Variants in DUSP16 observed in about 807,000 individuals in gnomAD.
DUSP16 encodes dual specificity phosphatase 16.
DUSP16 carries 21 observed loss-of-function variants against 58.3 expected under a neutral mutation model. That is an observed-to-expected ratio of 0.36 (90% CI 0.26 to 0.52). The LOEUF is 0.52. DUSP16 is among the 20% of genes least tolerant of loss of function. The probability of loss-of-function intolerance (pLI) is 0.94; values close to 1 mark genes in which losing one functional copy is unlikely to be tolerated. For missense variants in DUSP16, 726 were observed against 819.0 expected (o/e 0.89, Z 1.39); for synonymous variants, 320 against 323.8 (o/e 0.99, Z 0.12).
rs545796942 is a variant in DUSP16 at position 12,513,972 on chromosome 12, G to T, written c.367+5890C>A. On this transcript the variant is annotated intron_variant, in intron 3 of 6. Transcript: ENST00000298573. ...TTTTCAGAGAACTAGTTTTCTGCAG[G>T]TTGTTGAAAACACCAAAAAAGTTGC... Among the ~76,000 whole-genome samples, 5 of 152,214 alleles carry T rather than the reference G, an allele frequency of 3.3e-5. No individual in the cohort carries two copies. The East Asian group carries it at 9.6e-4, about 29-fold the overall frequency.
intron 1 of DUSP16, among the ~76,000 whole-genome samples, chr12:12,547,522 G>T (rs1944662025): frequency 7.9e-6 from 1 of 126,316 alleles, no homozygotes; most frequent in Non-Finnish European, 1.6e-5. Flanking sequence ...TTATGACTGT[G>T]AGTAGGCTTA....
rs1164337580 is a variant in DUSP16 at position 12,474,805 on chromosome 12, G to C, written c.*2028C>G. ...ATGTTTTGGGCATGACCACACTCTG[G>C]AAGTGGTGAACTGTTACACATTTGG... is the stretch of plus-strand genomic sequence containing the variant. On this transcript the variant is annotated 3_prime_UTR_variant, in exon 7 of 7. Coordinates refer to ENST00000298573, the MANE Select transcript of DUSP16 (RefSeq NM_030640.3). 2 of 152,200 alleles carry C rather than the reference G, an allele frequency of 1.3e-5. No homozygotes were observed. The highest frequency in any genetic ancestry group is 2.9e-5 in the Non-Finnish European group (2 of 68,034). 9.4% of individuals were successfully genotyped at this position (152,200 alleles called of 1,614,324 possible). A position where few individuals can be genotyped will look rare whatever the true frequency, so the allele number is the denominator to read the frequency against.
rs566499175 is a variant in DUSP16 at position 12,477,173 on chromosome 12, A to G, written c.1658T>C (p.Leu553Pro). 6.2e-7 allele frequency: 1 copy of G among 1,614,214 alleles called. No homozygotes were observed. Among genetic ancestry groups the G allele is most frequent in the Non-Finnish European group, 8.5e-7 (1 of 1,180,030 alleles). The change falls in exon 7 of 7, where the codon CTG becomes CCG. Residue 553 changes from leucine (L) to proline (P), a missense_variant. Physicochemically the swap from Leu to Pro is moderately conservative, Grantham distance 98 (BLOSUM62 -3). Coordinates refer to ENST00000298573, the MANE Select transcript of DUSP16 (RefSeq NM_030640.3). The surrounding 1 kb of genome is among the most constrained non-coding windows in gnomAD (Gnocchi z 4.1). ...ILAPQTSTPSLTSSWYFATES... is the reference protein window; with the variant it reads ...ILAPQTSTPSPTSSWYFATES... ...TGTGGCAAAATACCAGCTGCTGGTC[A>G]GGGAAGGGGTAGAGGTCTGGGGGGC...
In DUSP16 at chr12:12,537,257, A is replaced by G. The variant is rs1289419477; in HGVS notation, c.-365-15794T>C. Among the ~76,000 whole-genome samples the G allele has an allele frequency of 2.0e-5, 3 of 152,246 alleles. No homozygotes were observed. In the East Asian group the frequency reaches 5.8e-4, roughly 29 times the overall value. ...ATGTGGAAGTCAAAGTGAAACCTAA[A>G]TGAATTTTAATACACTATCATGACA... On this transcript the variant is annotated intron_variant, in intron 1 of 6. Coordinates refer to ENST00000298573, the MANE Select transcript of DUSP16 (RefSeq NM_030640.3).
At position 12,473,486 on chromosome 12, in the gene DUSP16, A is replaced by G. The variant is rs114964129; in HGVS notation, c.*3347T>C. On this transcript the variant is annotated 3_prime_UTR_variant, in exon 7 of 7. Transcript: ENST00000298573. ...ACCCTCTATCTCTGGAGGCTGATTT[A>G]TTCTAATTCCCTTTATTCCTCTATC... 4.9e-3 allele frequency among the ~76,000 whole-genome samples: 743 copies of G among 152,218 alleles called. 7 individuals are homozygous for G. Among genetic ancestry groups the G allele is most frequent in the African/African-American group, 0.016 (675 of 41,530 alleles).
In DUSP16 at chr12:12,474,476, G is replaced by A. The variant is rs736107; in HGVS notation, c.*2357C>T. On this transcript the variant is annotated 3_prime_UTR_variant, in exon 7 of 7. Transcript: ENST00000298573. Reference sequence around the variant, plus strand: ...ACCATCTGTATCACCCCTAGTAGACGCGAGGGTTTCCCCAATTACATGCTG... The same window carrying A: ...ACCATCTGTATCACCCCTAGTAGACACGAGGGTTTCCCCAATTACATGCTG... 0.28 allele frequency: 42,862 copies of A among 151,950 alleles called. 6,639 individuals are homozygous for A. The highest frequency in any genetic ancestry group is 0.34 in the Non-Finnish European group (23,040 of 67,918). 9.4% of individuals were successfully genotyped at this position (151,950 alleles called of 1,614,324 possible). A position where few individuals can be genotyped will look rare whatever the true frequency, so the allele number is the denominator to read the frequency against.
chr12:12,484,578 CTG>C (rs1184963096), intron 5 of DUSP16, among the ~76,000 whole-genome samples: 1 of 152,118 alleles, frequency 6.6e-6, no homozygotes, highest in Non-Finnish European at 1.5e-5. Context: ...GCCAATGTCT[CTG>C]GAAGTGACGT....
intron 4 of DUSP16, among the ~76,000 whole-genome samples, chr12:12,496,598 G>A (rs1185838239): frequency 6.6e-6 from 1 of 152,316 alleles, no homozygotes; most frequent in Admixed American, 6.5e-5. Flanking sequence ...CTCCCAATAG[G>A]TAAGTCAGTC....
Position 12,562,334 on chromosome 12 carries a change from G to A in DUSP16, c.-583C>T, listed in dbSNP as rs1944919059. ...TCTGAGGGGTGGGTTGGGGCGGGAG[G>A]CTTAGGAAGAGAGGAGACGCTCGCA... On this transcript the variant is annotated 5_prime_UTR_variant, in exon 1 of 7. Transcript: ENST00000298573. 6.6e-6 allele frequency: 1 copy of A among 151,896 alleles called. No homozygotes were observed. Among genetic ancestry groups the A allele is most frequent in the South Asian group, 2.1e-4 (1 of 4,818 alleles). 9.4% of individuals were successfully genotyped at this position (151,896 alleles called of 1,614,324 possible).
At chr12:12,498,771 C>T (rs906932663) in intron 4 of DUSP16, among the ~76,000 whole-genome samples, 1 of 152,170 alleles carries the variant, frequency 6.6e-6, no homozygotes. Context: ...TTATTTCTCA[C>T]CATCCTTGCA....
chr12:12,562,519 T>C lies in DUSP16; in HGVS notation c.-768A>G, dbSNP rs1275481091. 1 of 110,740 alleles carries C rather than the reference T, an allele frequency of 9.0e-6. No individual in the cohort carries two copies. Among genetic ancestry groups the C allele is most frequent in the African/African-American group, 3.5e-5 (1 of 28,436 alleles). 6.9% of individuals were successfully genotyped at this position (110,740 alleles called of 1,614,324 possible). A position where few individuals can be genotyped will look rare whatever the true frequency, so the allele number is the denominator to read the frequency against. ...TGGTAATAATCGTTTAAAAACTGAT[T>C]AAAGCCCCCCAAACACTGATACATA... On this transcript the variant is annotated 5_prime_UTR_variant, in exon 1 of 7. Coordinates refer to ENST00000298573, the MANE Select transcript of DUSP16 (RefSeq NM_030640.3).
In DUSP16 at chr12:12,562,526, C is replaced by G. The variant is rs2136280380; in HGVS notation, c.-775G>C. On this transcript the variant is annotated 5_prime_UTR_variant, in exon 1 of 7. Transcript: ENST00000298573. The stretch of plus-strand genomic sequence containing the variant: ...AATCGTTTAAAAACTGATTAAAGCC[C>G]CCCAAACACTGATACATAGAAAGAG... 1 of 134,744 alleles carries G rather than the reference C, an allele frequency of 7.4e-6. No homozygotes were observed. The highest frequency in any genetic ancestry group is 2.2e-4 in the East Asian group (1 of 4,620). The allele number at this position is 134,744 out of a possible 1,614,324, so 8.3% of individuals were successfully genotyped here. A position where few individuals can be genotyped will look rare whatever the true frequency, so the allele number is the denominator to read the frequency against.
At chr12:12,526,797 C>T (rs184872801) in intron 1 of DUSP16, among the ~76,000 whole-genome samples, 39 of 152,196 alleles carry the variant, frequency 2.6e-4, no homozygotes, top group African/African-American at 9.4e-4. Flanking sequence ...AAGTGATAAT[C>T]GCTCACACAC....
At chr12:12,479,088 A>C (rs1330106090) in intron 6 of DUSP16, among the ~76,000 whole-genome samples, 1 of 152,130 alleles carries the variant, frequency 6.6e-6, no homozygotes, top group Non-Finnish European at 1.5e-5. Context: ...CATTTTTGTA[A>C]CCACTATGTT....
intron 1 of DUSP16, among the ~76,000 whole-genome samples, chr12:12,544,500 C>T (rs532707278): frequency 7.9e-5 from 12 of 152,248 alleles, no homozygotes; most frequent in African/African-American, 2.6e-4. Flanking sequence ...CTAGGTTAAA[C>T]GCATAAGTAT....
At chr12:12,513,645 A>G (rs1020202334) in intron 3 of DUSP16, among the ~76,000 whole-genome samples, 2 of 152,338 alleles carry the variant, frequency 1.3e-5, no homozygotes, top group South Asian at 2.1e-4. Context: ...GCTGCATCAC[A>G]GGACAGAAGG....
At chr12:12,518,515 A>C (rs1944186456) in intron 3 of DUSP16, among the ~76,000 whole-genome samples, 1 of 151,514 alleles carries the variant, frequency 6.6e-6, no homozygotes, top group Non-Finnish European at 1.5e-5. Flanking sequence ...TCTGTCTCAA[A>C]AAAAAAAAAA....
rs747404124 is a variant in DUSP16, at chr12:12,536,076, T to C, written c.-365-14613A>G. Among the ~76,000 whole-genome samples, 33 of 152,332 alleles carry C rather than the reference T, an allele frequency of 2.2e-4. No individual in the cohort carries two copies. The Middle Eastern group carries it at 0.014, about 63-fold the overall frequency. Reference sequence around the variant, plus strand: ...TATTCAGAATGGACTGAGGTGAGAATAGATTTAAGGAGACTGACTGACTAG... The same window carrying C: ...TATTCAGAATGGACTGAGGTGAGAACAGATTTAAGGAGACTGACTGACTAG... On this transcript the variant is annotated intron_variant, in intron 1 of 6. Coordinates refer to ENST00000298573, the MANE Select transcript of DUSP16 (RefSeq NM_030640.3).
At chr12:12,517,875 G>C (rs1262851481) in intron 3 of DUSP16, among the ~76,000 whole-genome samples, 1 of 152,190 alleles carries the variant, frequency 6.6e-6, no homozygotes, top group Non-Finnish European at 1.5e-5. Context: ...AGGGATGTCA[G>C]GGTGTTCTGA....
Sources: gnomAD v4.1 joint callset for allele counts (sites outside exome capture counted in the v4.1 genomes callset) on GRCh38, gnomAD v4.1.1 for gene constraint, Gnocchi (gnomAD v3.1) non-coding constraint, MANE v1.5 for transcripts, NCBI Gene and HGNC (gene_info 2026-07-23, HGNC 2026-07-21) for gene names.